Variants in DPY19L3 observed in about 807,000 individuals in gnomAD.
The protein encoded by DPY19L3 is dpy-19 like C-mannosyltransferase 3.
A neutral mutation model predicts 92.3 loss-of-function variants in DPY19L3; 51 were observed. The ratio of observed to expected loss-of-function variants is 0.55; its 90% confidence interval spans 0.44 to 0.70. The LOEUF is 0.70. Among genes scored for constraint, DPY19L3 ranks in the 30% least tolerant of loss-of-function variants. The pLI is 0.00. For synonymous variants in DPY19L3, 309 were observed against 315.2 expected (o/e 0.98, Z 0.21); for missense variants, 706 against 855.9 (o/e 0.82, Z 2.18).
chr19:32,462,948 A>G (rs1364894023), intron 12 of DPY19L3, among the ~76,000 whole-genome samples: 1 of 152,180 alleles, frequency 6.6e-6, no homozygotes, highest in Non-Finnish European at 1.5e-5. Context: ...AGGGGTCATA[A>G]AGGAACTGAA....
At chr19:32,441,621 C>T (rs1969327956) in intron 8 of DPY19L3, among the ~76,000 whole-genome samples, 2 of 152,068 alleles carry the variant, frequency 1.3e-5, no homozygotes, top group South Asian at 4.2e-4. Flanking sequence ...CCTCAGCCTC[C>T]CAAGTAGCTG....
chr19:32,440,540 GC>G lies in DPY19L3; in HGVS notation c.855+631del, dbSNP rs1196261232. On this transcript the variant is annotated intron_variant, in intron 8 of 18. Coordinates refer to ENST00000392250, the MANE Select transcript of DPY19L3 (RefSeq NM_001172774.2). ...ATAAAATACTTTCTCCATATCTAAG[GC>G]AGCAGCATAGCCCAAGGATTTGTGC... Among the ~76,000 whole-genome samples, 4 of 152,102 alleles carry G rather than the reference GC, an allele frequency of 2.6e-5. No individual in the cohort carries two copies. The East Asian group carries it at 7.7e-4, about 29-fold the overall frequency.
At chr19:32,468,397 G>A in intron 15 of DPY19L3, 2 of 1,020,248 alleles carry the variant, frequency 2.0e-6, no homozygotes, top group Non-Finnish European at 2.3e-6. Flanking sequence ...CTCATGGTTG[G>A]CATTCTTGTC....
chr19:32,446,860 A>AGAAT (rs1969516570), intron 8 of DPY19L3, among the ~76,000 whole-genome samples: 1 of 152,232 alleles, frequency 6.6e-6, no homozygotes, highest in African/African-American at 2.4e-5. Flanking sequence ...TTCAACCGAC[A>AGAAT]GAATCTAATG....
intron 8 of DPY19L3, among the ~76,000 whole-genome samples, chr19:32,446,538 A>C (rs1262269322): frequency 1.2e-4 from 19 of 152,234 alleles, no homozygotes; most frequent in Admixed American, 1.2e-3. Context: ...TACAACATGC[A>C]AGTATCAATC....
chr19:32,412,014 C>G (rs1471464632), intron 3 of DPY19L3: 2 of 152,058 alleles, frequency 1.3e-5, no homozygotes, highest in East Asian at 3.9e-4. Context: ...GTCACTGGGA[C>G]CCCAGGCATG....
At chr19:32,448,104 CAAATA>C (rs559368532) in intron 8 of DPY19L3, among the ~76,000 whole-genome samples, 34 of 152,176 alleles carry the variant, frequency 2.2e-4, no homozygotes, top group African/African-American at 7.5e-4. Flanking sequence ...TAAATTTACA[CAAATA>C]AAATGTGTAA....
chr19:32,434,971 T>C (rs1241924768), intron 4 of DPY19L3, among the ~76,000 whole-genome samples: 2 of 152,208 alleles, frequency 1.3e-5, no homozygotes, highest in Non-Finnish European at 2.9e-5. Flanking sequence ...TGTTAGACTT[T>C]AGGCTTGCCA....
At chr19:32,439,050 A>G in intron 6 of DPY19L3, 62 bp from the exon 7 acceptor site, 1 of 1,547,846 alleles carries the variant, frequency 6.5e-7, no homozygotes, top group Non-Finnish European at 8.8e-7. Context: ...TCGTTGAGGA[A>G]GTCTTCGAGG....
At chr19:32,475,121 A>G (rs932267062) in intron 16 of DPY19L3, among the ~76,000 whole-genome samples, 1 of 152,194 alleles carries the variant, frequency 6.6e-6, no homozygotes, top group East Asian at 1.9e-4. Context: ...AAGGCCTGTC[A>G]TCTCTGCTGT....
At chr19:32,462,109 C>A (rs1230058671) in intron 12 of DPY19L3, among the ~76,000 whole-genome samples, 3 of 152,124 alleles carry the variant, frequency 2.0e-5, no homozygotes, top group Non-Finnish European at 4.4e-5. Context: ...ACAATTATAG[C>A]AACATGCCAG....
intron 3 of DPY19L3, among the ~76,000 whole-genome samples, chr19:32,419,397 G>A (rs1414749400): frequency 6.6e-6 from 1 of 151,890 alleles, no homozygotes; most frequent in Non-Finnish European, 1.5e-5. Flanking sequence ...TCCTGACCTC[G>A]TGATCCACCC....
At chr19:32,469,052 A>G in intron 16 of DPY19L3, 1 of 274,462 alleles carries the variant, frequency 3.6e-6, no homozygotes, top group Non-Finnish European at 6.6e-6. Flanking sequence ...AGGAAAACCG[A>G]TTCAATAAAT....
intron 6 of DPY19L3, 131 bp from the exon 7 acceptor site, chr19:32,438,981 A>G: frequency 5.4e-6 from 5 of 930,420 alleles, no homozygotes; most frequent in East Asian, 2.5e-5. Context: ...GATAAGGACA[A>G]TTATTGAGAA....
chr19:32,482,042 T>TC (rs34556145), intron 18 of DPY19L3, 37 bp from the exon 19 acceptor site: 1 of 1,597,638 alleles, frequency 6.3e-7, no homozygotes, highest in Non-Finnish European at 8.5e-7. Context: ...AATAGAATTT[T>TC]CCCCCCAAAT....
At chr19:32,424,635 CA>C (rs1292769790) in intron 3 of DPY19L3, among the ~76,000 whole-genome samples, 3 of 151,728 alleles carry the variant, frequency 2.0e-5, no homozygotes, top group Non-Finnish European at 2.9e-5. Context: ...GTCTCAAAAA[CA>C]AAAAAAGGTC....
intron 17 of DPY19L3, chr19:32,479,560 C>G (rs1192403363): frequency 7.4e-6 from 3 of 406,666 alleles, no homozygotes; most frequent in Non-Finnish European, 1.5e-5. Flanking sequence ...ACCATTTCAC[C>G]CATCCATGTG....
At chr19:32,481,963 T>C (rs1970685280) in intron 18 of DPY19L3, 116 bp from the exon 19 acceptor site, 5 of 1,176,804 alleles carry the variant, frequency 4.2e-6, no homozygotes, top group Non-Finnish European at 6.0e-6. Context: ...ATTGAAATAA[T>C]ATAATTTAAT....
In DPY19L3 at chr19:32,483,863, A is replaced by G. The variant is rs1174302289; in HGVS notation, c.*1623A>G. On this transcript the variant is annotated 3_prime_UTR_variant, in exon 19 of 19. Coordinates refer to ENST00000392250, the MANE Select transcript of DPY19L3 (RefSeq NM_001172774.2). ...ACTTTAATTAAGCCAATAATGATGC[A>G]TGCCTGTTGTAGCTGACAGCATGGG... The G allele has an allele frequency of 6.5e-6, 1 of 152,682 alleles. No individual in the cohort carries two copies. Among genetic ancestry groups the G allele is most frequent in the Non-Finnish European group, 1.5e-5 (1 of 68,040 alleles). 9.5% of individuals were successfully genotyped at this position (152,682 alleles called of 1,614,324 possible). A position where few individuals can be genotyped will look rare whatever the true frequency, so the allele number is the denominator to read the frequency against.
Sources: gnomAD v4.1 joint callset for allele counts (sites outside exome capture counted in the v4.1 genomes callset) on GRCh38, gnomAD v4.1.1 for gene constraint, MANE v1.5 for transcripts, NCBI Gene and HGNC (gene_info 2026-07-23, HGNC 2026-07-21) for gene names.